DNAAF5: variants seen among roughly 807,000 people sequenced by gnomAD.
DNAAF5 encodes dynein axonemal assembly factor 5.
In DNAAF5, 64 loss-of-function variants were observed where a neutral mutation model predicts 75.8. That is an observed-to-expected ratio of 0.84 (90% CI 0.69 to 1.04). The LOEUF (loss-of-function observed/expected upper bound fraction) is 1.04. DNAAF5 is among the 50% of genes least tolerant of loss of function. The pLI is 0.00. For synonymous variants in DNAAF5, 657 were observed against 557.2 expected (o/e 1.18, Z -2.52); for missense variants, 1,269 against 1,178.5 (o/e 1.08, Z -1.12).
intron 12 of DNAAF5, among the ~76,000 whole-genome samples, chr7:781,560 G>C (rs566213988): frequency 3.2e-4 from 47 of 147,300 alleles, no homozygotes; most frequent in African/African-American, 9.7e-4. Context: ...GGCTGTATGG[G>C]GCTCTATTTT....
At chr7:760,552 C>T (rs918273122) in intron 6 of DNAAF5, among the ~76,000 whole-genome samples, 1 of 152,162 alleles carries the variant, frequency 6.6e-6, no homozygotes, top group Non-Finnish European at 1.5e-5. Context: ...TGAGAGGCCA[C>T]GGCAGGAGGA....
chr7:746,596 G>A (rs1483640009), intron 4 of DNAAF5, among the ~76,000 whole-genome samples: 45 of 113,540 alleles, frequency 4.0e-4, no homozygotes, highest in African/African-American at 1.3e-3. Flanking sequence ...CCCGCCCGTC[G>A]TGCCTAGGGA....
intron 4 of DNAAF5, among the ~76,000 whole-genome samples, chr7:745,699 G>A (rs927285460): frequency 6.6e-6 from 1 of 152,190 alleles, no homozygotes; most frequent in Non-Finnish European, 1.5e-5. Context: ...ATCTGCACAC[G>A]TGTGTACATG....
chr7:727,316 G>T lies in DNAAF5; in HGVS notation c.595+1G>T. The T allele has an allele frequency of 1.6e-6, 2 of 1,280,538 alleles. No homozygotes were observed. The highest frequency in any genetic ancestry group is 2.0e-6 in the Non-Finnish European group (2 of 1,015,854). The allele number at this position is 1,280,538 out of a possible 1,614,324, so 79.3% of individuals were successfully genotyped here. A position where few individuals can be genotyped will look rare whatever the true frequency, so the allele number is the denominator to read the frequency against. ...GCCGCCCTGGCGCAGGCCACGCCCG[G>T]TGAGCACCCCGGGCCCCGCTCCCAC... On this transcript the variant is annotated splice_donor_variant, in intron 1 of 12. Transcript: ENST00000297440. LOFTEE classifies it high-confidence loss of function.
At chr7:752,657 G>T (rs1256184416) in intron 4 of DNAAF5, among the ~76,000 whole-genome samples, 1 of 146,128 alleles carries the variant, frequency 6.8e-6, no homozygotes, top group African/African-American at 2.5e-5. Context: ...CTTCGTGACC[G>T]TGGGCCGGGC....
intron 2 of DNAAF5, chr7:732,531 C>T (rs1240845057): frequency 1.5e-5 from 7 of 455,980 alleles, no homozygotes; most frequent in South Asian, 1.1e-4. Context: ...GAGAGACCTT[C>T]CGGGAGCAAC....
chr7:729,520 A>G (rs991979982), intron 1 of DNAAF5, 143 bp from the exon 2 acceptor site: 1 of 727,568 alleles, frequency 1.4e-6, no homozygotes. Context: ...TGGATTGTGT[A>G]CTGTTCATGC....
At chr7:736,880 A>G (rs929546085) in intron 2 of DNAAF5, among the ~76,000 whole-genome samples, 1 of 151,148 alleles carries the variant, frequency 6.6e-6, no homozygotes, top group African/African-American at 2.4e-5. Context: ...GGCGTTTTTT[A>G]TTTGAAGTTA....
At chr7:775,628 G>A (rs1468629715) in intron 11 of DNAAF5, among the ~76,000 whole-genome samples, 1 of 152,106 alleles carries the variant, frequency 6.6e-6, no homozygotes, top group Admixed American at 6.5e-5. Flanking sequence ...ATGTATTGGG[G>A]GGCAGAATTC....
chr7:770,368 T>C lies in DNAAF5; in HGVS notation c.1784-103T>C, dbSNP rs1778512966. The C allele has an allele frequency of 6.8e-6, 7 of 1,023,038 alleles. No individual in the cohort carries two copies. The South Asian group carries it at 1.0e-4, about 15-fold the overall frequency. The allele number at this position is 1,023,038 out of a possible 1,614,324, so 63.4% of individuals were successfully genotyped here. On this transcript the variant is annotated intron_variant, in intron 8 of 12. Transcript: ENST00000297440. Reference sequence around the variant, plus strand: ...GAAGCGGGGAGGTGGTGGCCGATAGTGCCCTCTCCCAGGTGGGAGCGCCTG... The same window carrying C: ...GAAGCGGGGAGGTGGTGGCCGATAGCGCCCTCTCCCAGGTGGGAGCGCCTG...
At chr7:747,491 G>C (rs1484924712) in intron 4 of DNAAF5, among the ~76,000 whole-genome samples, 14 of 151,774 alleles carry the variant, frequency 9.2e-5, no homozygotes, top group African/African-American at 2.7e-4. Flanking sequence ...GGGGTTTGCT[G>C]TTTTTACCGT....
intron 2 of DNAAF5, among the ~76,000 whole-genome samples, chr7:739,442 G>A (rs1781836984): frequency 1.3e-5 from 2 of 152,216 alleles, no homozygotes; most frequent in South Asian, 4.1e-4. Context: ...TAGCCAGGTG[G>A]TGGAATGGCC....
At chr7:763,701 G>A in intron 7 of DNAAF5, 105 bp from the exon 8 acceptor site, 1 of 1,303,264 alleles carries the variant, frequency 7.7e-7, no homozygotes, top group Non-Finnish European at 1.1e-6. Context: ...GGCAGGCCCG[G>A]CCTGTGTGGT....
intron 12 of DNAAF5, 151 bp from the exon 13 acceptor site, chr7:785,366 T>G: frequency 1.2e-6 from 1 of 815,126 alleles, no homozygotes; most frequent in Non-Finnish European, 2.0e-6. Context: ...GTATCCGCAT[T>G]GTGACTACTG....
chr7:761,957 C>CT (rs1782662362), intron 7 of DNAAF5, 61 bp downstream of exon 7: 1 of 1,175,682 alleles, frequency 8.5e-7, no homozygotes, highest in East Asian at 2.9e-5. Context: ...GAAGGCATCT[C>CT]TAAGTGAGGT....
chr7:743,642 C>CTTTT (rs1204447328), intron 4 of DNAAF5, among the ~76,000 whole-genome samples: 1 of 123,754 alleles, frequency 8.1e-6, no homozygotes, highest in African/African-American at 3.0e-5. Context: ...AACGCTCGAT[C>CTTTT]TTTTTTTTTT....
chr7:726,943 C>T lies in DNAAF5; in HGVS notation c.223C>T (p.Arg75Cys). ...DPTAFQGPWA[R>C]LLLPRLLRCL... is the part of the protein sequence containing the mutation. ...CACCGCTTTCCAGGGCCCCTGGGCG[C>T]GCCTACTGCTGCCGCGCTTGCTGCG... Residue 75 changes from arginine (R) to cysteine (C), a missense_variant, in exon 1 of 13, where the codon CGC (arginine) becomes TGC (cysteine). Coordinates refer to ENST00000297440, the MANE Select transcript of DNAAF5 (RefSeq NM_017802.4). 7.5e-7 allele frequency: 1 copy of T among 1,336,808 alleles called. No homozygotes were observed. Among genetic ancestry groups the T allele is most frequent in the African/African-American group, 1.5e-5 (1 of 64,938 alleles). 82.8% of individuals were successfully genotyped at this position (1,336,808 alleles called of 1,614,324 possible).
chr7:782,113 C>G (rs559594651), intron 12 of DNAAF5, among the ~76,000 whole-genome samples: 3 of 152,018 alleles, frequency 2.0e-5, no homozygotes, highest in Admixed American at 2.0e-4. Flanking sequence ...TCGGATCTTC[C>G]TGGTGTGGCC....
intron 11 of DNAAF5, chr7:778,564 G>A (rs1413006236): frequency 6.6e-6 from 1 of 152,306 alleles, no homozygotes; most frequent in African/African-American, 2.4e-5. Flanking sequence ...TCCAGGGAGT[G>A]ACCATCGTAA....
Sources: gnomAD v4.1 joint callset for allele counts (sites outside exome capture counted in the v4.1 genomes callset) on GRCh38, gnomAD v4.1.1 for gene constraint, MANE v1.5 for transcripts, NCBI Gene and HGNC (gene_info 2026-07-23, HGNC 2026-07-21) for gene names.